The following HTR1F variants were observed in gnomAD, a reference collection of about 807,000 sequenced individuals.
HTR1F encodes 5-hydroxytryptamine receptor 1F, also known as 5-hydroxytryptamine (serotonin) receptor 1F, G protein-coupled.
In HTR1F, 17 loss-of-function variants were observed where a neutral mutation model predicts 24.0. The observed-to-expected ratio is 0.71, with a 90% CI of 0.48 to 1.06. The LOEUF is 1.06. Among genes scored for constraint, HTR1F ranks in the 50% least tolerant of loss-of-function variants. The pLI is 0.00. For missense variants in HTR1F, 391 were observed against 427.8 expected, an observed-to-expected ratio of 0.91 and a Z score of 0.76; for synonymous variants, 186 against 156.8, an observed-to-expected ratio of 1.19 and a Z score of -1.39.
intron 2 of HTR1F, among the ~76,000 whole-genome samples, chr3:87,978,639 A>C (rs1288535862): frequency 6.6e-6 from 1 of 151,924 alleles, no homozygotes; most frequent in Non-Finnish European, 1.5e-5. Flanking sequence ...AGAGGAGTCC[A>C]GGAGTGGATA....
intron 2 of HTR1F, among the ~76,000 whole-genome samples, chr3:87,855,669 T>C (rs1030274139): frequency 6.6e-6 from 1 of 152,076 alleles, no homozygotes; most frequent in Non-Finnish European, 1.5e-5. Context: ...GAATTACCCA[T>C]AACCTAACAT....
At chr3:87,876,256 A>G (rs1705671102) in intron 2 of HTR1F, among the ~76,000 whole-genome samples, 2 of 152,212 alleles carry the variant, frequency 1.3e-5, no homozygotes, top group Admixed American at 1.3e-4. Flanking sequence ...TTCTGGGTAT[A>G]TATCTCCAAA....
At chr3:87,877,415 T>C (rs1188793717) in intron 2 of HTR1F, among the ~76,000 whole-genome samples, 1 of 152,048 alleles carries the variant, frequency 6.6e-6, no homozygotes, top group Admixed American at 6.5e-5. Context: ...TTTTAGTGAA[T>C]TGAAAGAAAA....
chr3:87,908,550 A>C (rs1328266688), intron 2 of HTR1F, among the ~76,000 whole-genome samples: 3 of 152,044 alleles, frequency 2.0e-5, no homozygotes, highest in Non-Finnish European at 4.4e-5. Flanking sequence ...ATGTATTTGG[A>C]GATTATAATG....
At position 87,990,705 on chromosome 3, in the gene HTR1F, C is replaced by A; in HGVS notation, c.-42-3C>A. ...AACTGTTTTTTCTCTTCCCTTGTTA[C>A]AGGTATCCATTTTTCAGCTATATTA... On this transcript the variant is annotated splice_polypyrimidine_tract_variant and splice_region_variant and intron_variant, in intron 2 of 2. Coordinates refer to ENST00000319595, the MANE Select transcript of HTR1F (RefSeq NM_001322209.2). 6.9e-7 allele frequency: 1 copy of A among 1,445,230 alleles called. No homozygotes were observed. The highest frequency in any genetic ancestry group is 9.6e-7 in the Non-Finnish European group (1 of 1,042,728). 89.5% of individuals were successfully genotyped at this position (1,445,230 alleles called of 1,614,324 possible). A position where few individuals can be genotyped will look rare whatever the true frequency, so the allele number is the denominator to read the frequency against.
chr3:87,822,659 C>T (rs898592963), intron 2 of HTR1F, among the ~76,000 whole-genome samples: 1 of 152,134 alleles, frequency 6.6e-6, no homozygotes, highest in Admixed American at 6.5e-5. Context: ...TTTTTAAGAA[C>T]AGCTACTGCT....
intron 2 of HTR1F, among the ~76,000 whole-genome samples, chr3:87,827,007 C>T (rs1425989003): frequency 1.3e-5 from 2 of 152,128 alleles, no homozygotes; most frequent in East Asian, 1.9e-4. Context: ...GACAGGCTTT[C>T]GCCATGTTGC....
At chr3:87,939,155 CTT>C (rs1251022636) in intron 2 of HTR1F, among the ~76,000 whole-genome samples, 1 of 152,124 alleles carries the variant, frequency 6.6e-6, no homozygotes, top group Non-Finnish European at 1.5e-5. Flanking sequence ...CATTGGTTCT[CTT>C]TATGTGACGG....
intron 2 of HTR1F, among the ~76,000 whole-genome samples, chr3:87,936,793 A>T (rs1704430461): frequency 6.6e-6 from 1 of 152,060 alleles, no homozygotes; most frequent in African/African-American, 2.4e-5. Flanking sequence ...CCACTAGGAG[A>T]TTTACACACA....
At chr3:87,946,901 A>G (rs1704724102) in intron 2 of HTR1F, among the ~76,000 whole-genome samples, 2 of 152,198 alleles carry the variant, frequency 1.3e-5, no homozygotes, top group African/African-American at 4.8e-5. Flanking sequence ...CTGGGATTAC[A>G]GGCATGAGCC....
intron 2 of HTR1F, among the ~76,000 whole-genome samples, chr3:87,905,116 T>C (rs1455139922): frequency 2.0e-5 from 3 of 151,882 alleles, no homozygotes; most frequent in Admixed American, 2.0e-4. Flanking sequence ...GAAACTAGCC[T>C]GAGCAACATA....
rs1385212495 is a variant in HTR1F, at chr3:87,845,041, G to C, written c.-43+22917G>C. On this transcript the variant is annotated intron_variant, in intron 2 of 2. Transcript: ENST00000319595. The stretch of plus-strand genomic sequence containing the variant: ...TTGACAAAATTCAACAACCTTTCAT[G>C]CTAAAAACTCTCAATAAATTAGGTA... 2.0e-5 allele frequency among the ~76,000 whole-genome samples: 3 copies of C among 151,738 alleles called. No homozygotes were observed. The East Asian group carries it at 5.8e-4, about 29-fold the overall frequency.
Position 87,921,776 on chromosome 3 carries a change from T to A in HTR1F, c.-42-68932T>A, listed in dbSNP as rs1463701600. 3.9e-5 allele frequency among the ~76,000 whole-genome samples: 6 copies of A among 151,938 alleles called. No homozygotes were observed. In the East Asian group the frequency reaches 9.6e-4, roughly 24 times the overall value. The stretch of plus-strand genomic sequence containing the variant: ...ACAACTATTCGAATCTCTACTTCCA[T>A]GAACAACTTGTTTACCATAGAAATA... On this transcript the variant is annotated intron_variant, in intron 2 of 2. Transcript: ENST00000319595.
At chr3:87,802,390 G>C (rs532877267) in intron 1 of HTR1F, among the ~76,000 whole-genome samples, 1 of 144,050 alleles carries the variant, frequency 6.9e-6, no homozygotes, top group African/African-American at 2.5e-5. Flanking sequence ...ATCCAGGCTA[G>C]AGTGCAATAG....
chr3:87,966,649 C>A (rs1364732941), intron 2 of HTR1F, among the ~76,000 whole-genome samples: 1 of 150,226 alleles, frequency 6.7e-6, no homozygotes, highest in Non-Finnish European at 1.5e-5. Context: ...CATTAGTGAT[C>A]TAAGAATTAA....
intron 2 of HTR1F, among the ~76,000 whole-genome samples, chr3:87,864,022 C>A (rs1333173069): frequency 6.6e-6 from 1 of 152,150 alleles, no homozygotes; most frequent in Non-Finnish European, 1.5e-5. Flanking sequence ...TCAAAGCTAA[C>A]AATGGCTAGT....
chr3:87,818,433 C>T (rs1341263358), intron 1 of HTR1F, among the ~76,000 whole-genome samples: 1 of 152,088 alleles, frequency 6.6e-6, no homozygotes, highest in Non-Finnish European at 1.5e-5. Flanking sequence ...AGTACTGCAC[C>T]AAGAAAGCTA....
At chr3:87,909,102 T>C (rs963725690) in intron 2 of HTR1F, among the ~76,000 whole-genome samples, 1 of 151,926 alleles carries the variant, frequency 6.6e-6, no homozygotes, top group African/African-American at 2.4e-5. Context: ...TTCTAGCAAA[T>C]GAGATGTGAG....
At position 87,835,164 on chromosome 3, in the gene HTR1F, T is replaced by C. The variant is rs112035988; in HGVS notation, c.-43+13040T>C. Reference sequence around the variant, plus strand: ...ATTCCTGCTCCAGAGGTTCTTGGTGTTAGGCAGAACTGGATTTGAATCGTA... The same window carrying C: ...ATTCCTGCTCCAGAGGTTCTTGGTGCTAGGCAGAACTGGATTTGAATCGTA... On this transcript the variant is annotated intron_variant, in intron 2 of 2. Transcript: ENST00000319595. Among the ~76,000 whole-genome samples the C allele has an allele frequency of 6.8e-3, 1,032 of 152,246 alleles. 19 individuals are homozygous for C. The highest frequency in any genetic ancestry group is 0.024 in the African/African-American group (987 of 41,554).
Sources: allele counts gnomAD v4.1 joint callset (sites outside exome capture counted in the v4.1 genomes callset), GRCh38; gene constraint gnomAD v4.1.1; transcripts MANE v1.5; gene names NCBI Gene and HGNC (gene_info 2026-07-23, HGNC 2026-07-21).